BBX: variants seen among roughly 807,000 people sequenced by gnomAD.
BBX encodes the protein BBX high mobility group box domain containing, also known as HMG box transcription factor BBX.
A neutral mutation model predicts 100.2 loss-of-function variants in BBX; 30 were observed. That is an observed-to-expected ratio of 0.30 (90% CI 0.22 to 0.41). The LOEUF is 0.41. BBX is among the 10% of genes least tolerant of loss of function. The probability of loss-of-function intolerance (pLI) is 1.00; values close to 1 mark genes in which losing one functional copy is unlikely to be tolerated. For synonymous variants in BBX, 376 were observed against 388.1 expected (o/e 0.97, Z 0.37); for missense variants, 1,023 against 1,129.8 (o/e 0.91, Z 1.35).
At chr3:107,570,207 G>C (rs1171131453) in intron 2 of BBX, among the ~76,000 whole-genome samples, 1 of 152,196 alleles carries the variant, frequency 6.6e-6, no homozygotes, top group African/African-American at 2.4e-5. Context: ...TCTCACAGTG[G>C]AGGCAAGGAA....
chr3:107,654,780 G>C (rs1028553988), intron 3 of BBX, among the ~76,000 whole-genome samples: 1 of 152,116 alleles, frequency 6.6e-6, no homozygotes, highest in Non-Finnish European at 1.5e-5. Flanking sequence ...AACTAACTCA[G>C]CTGTTTACCG....
rs1175016536 is a variant in BBX, at chr3:107,808,003, C to T, written c.*2546C>T. 2.0e-5 allele frequency: 3 copies of T among 152,184 alleles called. No individual in the cohort carries two copies. Among genetic ancestry groups the T allele is most frequent in the Non-Finnish European group, 4.4e-5 (3 of 68,040 alleles). The allele number at this position is 152,184 out of a possible 1,614,324, so 9.4% of individuals were successfully genotyped here. On this transcript the variant is annotated 3_prime_UTR_variant, in exon 18 of 18. Coordinates refer to ENST00000325805, the MANE Select transcript of BBX (RefSeq NM_001142568.3). ...AGTCTTGATTTCAATAATTGTGCTT[C>T]TCATGCCCTGAAACTGCTGGAGAGG...
chr3:107,716,717 C>T lies in BBX; in HGVS notation c.273C>T (p.Cys91=), dbSNP rs2062134442. Residue 91 remains cysteine, a synonymous_variant, in exon 5 of 18, where the codon TGC becomes TGT. Coordinates refer to ENST00000325805, the MANE Select transcript of BBX (RefSeq NM_001142568.3). ...CAATGAATGCATTTCTTTTATTTTGCAAACGCCATCGCTCTCTTGTACGTC... is the reference window on the plus strand; with the variant it reads ...CAATGAATGCATTTCTTTTATTTTGTAAACGCCATCGCTCTCTTGTACGTC... ...RRPMNAFLLF[C]KRHRSLVRQE... 6.2e-7 allele frequency: 1 copy of T among 1,613,800 alleles called. No individual in the cohort carries two copies. Among genetic ancestry groups the T allele is most frequent in the East Asian group, 2.2e-5 (1 of 44,874 alleles).
intron 5 of BBX, among the ~76,000 whole-genome samples, chr3:107,721,664 A>G (rs1012152818): frequency 1.3e-5 from 2 of 152,116 alleles, no homozygotes; most frequent in East Asian, 3.9e-4. Context: ...AATGATAATA[A>G]CTTTGTGAAT....
intron 2 of BBX, among the ~76,000 whole-genome samples, chr3:107,555,070 A>AAACAACAAC (rs77709627): frequency 1.9e-4 from 28 of 150,954 alleles, no homozygotes; most frequent in East Asian, 7.8e-4. Context: ...CTCCGTCTCA[A>AAACAACAAC]AACAACAACA....
chr3:107,549,636 C>T (rs1257363476), intron 2 of BBX, among the ~76,000 whole-genome samples: 3 of 152,154 alleles, frequency 2.0e-5, no homozygotes, highest in Non-Finnish European at 4.4e-5. Flanking sequence ...TACCTGGTGG[C>T]AGACTTTTGG....
intron 2 of BBX, among the ~76,000 whole-genome samples, chr3:107,580,547 TA>T (rs2052194046): frequency 6.6e-6 from 1 of 152,202 alleles, no homozygotes; most frequent in African/African-American, 2.4e-5. Flanking sequence ...TCTTAATATT[TA>T]AATATTTACC....
In BBX at chr3:107,645,712, G is replaced by T. The variant is rs78628756; in HGVS notation, c.-83-124G>T. 2.8e-4 allele frequency: 43 copies of T among 152,590 alleles called. No individual in the cohort carries two copies. The East Asian group carries it at 7.7e-3, about 27-fold the overall frequency. 9.5% of individuals were successfully genotyped at this position (152,590 alleles called of 1,614,324 possible). ...GGCATAAGGATATTTGCCTCATGTT[G>T]ATTGTTTGGCTGGTAATTCATTTTA... On this transcript the variant is annotated intron_variant, in intron 2 of 17. Coordinates refer to ENST00000325805, the MANE Select transcript of BBX (RefSeq NM_001142568.3).
chr3:107,693,705 C>G (rs1478785229), intron 3 of BBX, among the ~76,000 whole-genome samples: 2 of 151,790 alleles, frequency 1.3e-5, no homozygotes, highest in Non-Finnish European at 2.9e-5. Context: ...TCCATATGAA[C>G]TTTAAAGTGG....
At chr3:107,627,782 T>C (rs1409485870) in intron 2 of BBX, among the ~76,000 whole-genome samples, 4 of 151,978 alleles carry the variant, frequency 2.6e-5, no homozygotes, top group Non-Finnish European at 4.4e-5. Flanking sequence ...GAATGTAAAA[T>C]AGTTATTTTT....
intron 2 of BBX, among the ~76,000 whole-genome samples, chr3:107,567,844 G>A (rs967385304): frequency 6.6e-6 from 1 of 151,926 alleles, no homozygotes; most frequent in Non-Finnish European, 1.5e-5. Flanking sequence ...GGTTTGAATA[G>A]CATACATTCC....
intron 2 of BBX, among the ~76,000 whole-genome samples, chr3:107,622,645 G>A (rs1225650719): frequency 6.6e-6 from 1 of 152,112 alleles, no homozygotes; most frequent in Non-Finnish European, 1.5e-5. Flanking sequence ...CAACATCTGT[G>A]TCATTTTAGA....
At chr3:107,552,372 AAG>A (rs138939212) in intron 2 of BBX, among the ~76,000 whole-genome samples, 14,055 of 112,860 alleles carry the variant, frequency 0.12, 2,156 homozygotes, top group Non-Finnish European at 0.17. Context: ...AAAAAAAAAA[AAG>A]GGATTGCTCT....
At chr3:107,634,229 T>C (rs1269003141) in intron 2 of BBX, among the ~76,000 whole-genome samples, 1 of 152,184 alleles carries the variant, frequency 6.6e-6, no homozygotes, top group South Asian at 2.1e-4. Context: ...TACTCTACCA[T>C]TGGATTTTTA....
chr3:107,550,674 A>T (rs183097060), intron 2 of BBX, among the ~76,000 whole-genome samples: 1 of 152,354 alleles, frequency 6.6e-6, no homozygotes, highest in Non-Finnish European at 1.5e-5. Context: ...GATCAGGGTC[A>T]GATCCTGGGG....
At position 107,716,746 on chromosome 3, in the gene BBX, A is replaced by G; in HGVS notation, c.302A>G (p.Glu101Gly). The G allele has an allele frequency of 6.2e-7, 1 of 1,613,828 alleles. No homozygotes were observed. Among genetic ancestry groups the G allele is most frequent in the Non-Finnish European group, 8.5e-7 (1 of 1,179,800 alleles). The change falls in exon 5 of 18, where the codon GAA becomes GGA. Residue 101 changes from glutamate (E) to glycine (G), a missense_variant. Coordinates refer to ENST00000325805, the MANE Select transcript of BBX (RefSeq NM_001142568.3). ...CGCCATCGCTCTCTTGTACGTCAGG[A>G]ACACCCCAGGCTTGATAACCGAGGT... ...CKRHRSLVRQ[E>G]HPRLDNRGAT...
At chr3:107,798,498 CT>C in intron 15 of BBX, 24 bp from the exon 16 acceptor site, 2 of 1,605,010 alleles carry the variant, frequency 1.2e-6, no homozygotes, top group Non-Finnish European at 1.7e-6. Context: ...TTGTGCATAA[CT>C]ATGCATGGTA....
chr3:107,680,498 A>G (rs1393550134), intron 3 of BBX, among the ~76,000 whole-genome samples: 1 of 152,170 alleles, frequency 6.6e-6, no homozygotes, highest in African/African-American at 2.4e-5. Context: ...AGCCAAATTT[A>G]TGAAAGCATT....
At chr3:107,529,723 C>A (rs889066752) in intron 2 of BBX, among the ~76,000 whole-genome samples, 5 of 152,144 alleles carry the variant, frequency 3.3e-5, no homozygotes, top group Admixed American at 2.0e-4. Context: ...GTGATATTAT[C>A]CTTTAGAAGG....
Sources: allele counts gnomAD v4.1 joint callset (sites outside exome capture counted in the v4.1 genomes callset), GRCh38; gene constraint gnomAD v4.1.1; transcripts MANE v1.5; gene names NCBI Gene and HGNC (gene_info 2026-07-23, HGNC 2026-07-21).